Variants in ASIC4 observed in about 807,000 individuals in gnomAD.
ASIC4 encodes acid-sensing ion channel 4.
A neutral mutation model predicts 53.4 loss-of-function variants in ASIC4; 28 were observed. The observed-to-expected ratio is 0.52, with a 90% confidence interval of 0.39 to 0.72. The LOEUF (loss-of-function observed/expected upper bound fraction) is 0.72. ASIC4 is among the 30% of genes least tolerant of loss of function. The pLI is 0.00. For missense variants in ASIC4, 649 were observed against 729.7 expected (o/e 0.89, Z 1.27); for synonymous variants, 289 against 301.4 (o/e 0.96, Z 0.43).
In ASIC4 at chr2:219,517,445, C is replaced by A. The variant is rs1021838113; in HGVS notation, c.582+2139C>A. Among the ~76,000 whole-genome samples, 3 of 152,068 alleles carry A rather than the reference C, an allele frequency of 2.0e-5. No homozygotes were observed. In the East Asian group the frequency reaches 5.8e-4, roughly 29 times the overall value. ...AGCTAGCATTGGGGGACAGGAATTC[C>A]CCTTTGGGATTTCCATTTCCCCTGT... On this transcript the variant is annotated intron_variant, in intron 1 of 9. Transcript: ENST00000358078. This position sits in a 1 kb window ranked among gnomAD's most constrained non-coding sequence, Gnocchi z 4.2.
chr2:219,525,531 C>T (rs796560027), intron 1 of ASIC4, among the ~76,000 whole-genome samples: 4 of 152,350 alleles, frequency 2.6e-5, no homozygotes, highest in African/African-American at 9.6e-5. Context: ...GGATCTGAAC[C>T]TTGCCGTCTC....
chr2:219,524,371 T>C (rs1472392059), intron 1 of ASIC4, among the ~76,000 whole-genome samples: 1 of 152,228 alleles, frequency 6.6e-6, no homozygotes, highest in Non-Finnish European at 1.5e-5. Context: ...ATGGGTGGAC[T>C]CCAGGGCCAG....
Position 219,518,198 on chromosome 2 carries a change from C to G in ASIC4, c.582+2892C>G, listed in dbSNP as rs553807444. ...AAGCCCTGTCCCCAGTCCCTGTCCT[C>G]AAGCAGCCTATAGTCTCGTAGAGTG... is the stretch of plus-strand genomic sequence containing the variant. On this transcript the variant is annotated intron_variant, in intron 1 of 9. Transcript: ENST00000358078. The surrounding 1 kb of genome is among the most constrained non-coding windows in gnomAD (Gnocchi z 4.8). Among the ~76,000 whole-genome samples, 27 of 152,310 alleles carry G rather than the reference C, an allele frequency of 1.8e-4. No homozygotes were observed. In the East Asian group the frequency reaches 4.4e-3, roughly 25 times the overall value.
chr2:219,514,127 C>T (rs940949411), upstream of ASIC4: 17 of 589,942 alleles, frequency 2.9e-5, no homozygotes, highest in Non-Finnish European at 4.1e-5. Flanking sequence ...ACCCTGGGCA[C>T]GGCACCCTTC....
intron 6 of ASIC4, 72 bp downstream of exon 6, chr2:219,535,396 ACT>A (rs1224095228): frequency 2.6e-5 from 38 of 1,436,066 alleles, no homozygotes; most frequent in East Asian, 1.3e-4. Flanking sequence ...TGGCTGTGTG[ACT>A]CTGTGTGTAC....
At chr2:219,529,704 C>T (rs1695010519) in intron 1 of ASIC4, among the ~76,000 whole-genome samples, 1 of 152,170 alleles carries the variant, frequency 6.6e-6, no homozygotes, top group Admixed American at 6.5e-5. Context: ...GTGATGTCCT[C>T]ATCTGAAGTA....
In ASIC4 at chr2:219,517,235, G is replaced by A. The variant is rs917581607; in HGVS notation, c.582+1929G>A. ...TCCAGGCTAGGAGGCGGTGCCTGGA[G>A]GATACAGGAACGGGGATCCTCTGAT... On this transcript the variant is annotated intron_variant, in intron 1 of 9. Coordinates refer to ENST00000358078, the MANE Select transcript of ASIC4 (RefSeq NM_018674.6). This position sits in a 1 kb window ranked among gnomAD's most constrained non-coding sequence, Gnocchi z 4.2. 6.6e-6 allele frequency: 1 copy of A among 152,306 alleles called. No homozygotes were observed. Among genetic ancestry groups the A allele is most frequent in the African/African-American group, 2.4e-5 (1 of 41,440 alleles). 9.4% of individuals were successfully genotyped at this position (152,306 alleles called of 1,614,324 possible).
chr2:219,518,904 T>G lies in ASIC4; in HGVS notation c.582+3598T>G, dbSNP rs1206340333. ...TCTGTGAGCATCGGTTTGTGTATTCTTTTTTTTGTTTGTTTTTTTGAGACA... is the reference window on the plus strand; with the variant it reads ...TCTGTGAGCATCGGTTTGTGTATTCGTTTTTTTGTTTGTTTTTTTGAGACA... On this transcript the variant is annotated intron_variant, in intron 1 of 9. Coordinates refer to ENST00000358078, the MANE Select transcript of ASIC4 (RefSeq NM_018674.6). The surrounding 1 kb of genome is among the most constrained non-coding windows in gnomAD (Gnocchi z 4.8). 2.6e-5 allele frequency among the ~76,000 whole-genome samples: 4 copies of G among 151,604 alleles called. No homozygotes were observed. Among genetic ancestry groups the G allele is most frequent in the African/African-American group, 9.8e-5 (4 of 40,974 alleles).
intron 5 of ASIC4, among the ~76,000 whole-genome samples, chr2:219,534,858 C>T (rs1038917042): frequency 2.6e-5 from 4 of 152,186 alleles, no homozygotes; most frequent in African/African-American, 9.7e-5. Flanking sequence ...GTGTCTGAGG[C>T]CTCACATAGT....
chr2:219,535,399 CTGTG>C lies in ASIC4; in HGVS notation c.1229+79_1229+82del, dbSNP rs1574495664. On this transcript the variant is annotated intron_variant, in intron 6 of 9. Coordinates refer to ENST00000358078, the MANE Select transcript of ASIC4 (RefSeq NM_018674.6). Reference sequence around the variant, plus strand: ...GTGTGTGGGGGGTGGCTGTGTGACTCTGTGTGTACGTGTGTGTGAGTGTATGTGT... The same window carrying C: ...GTGTGTGGGGGGTGGCTGTGTGACTCTGTACGTGTGTGTGAGTGTATGTGT... 5.5e-6 allele frequency: 8 copies of C among 1,449,248 alleles called. No homozygotes were observed. The East Asian group carries it at 1.5e-4, about 27-fold the overall frequency. 89.8% of individuals were successfully genotyped at this position (1,449,248 alleles called of 1,614,324 possible). A position where few individuals can be genotyped will look rare whatever the true frequency, so the allele number is the denominator to read the frequency against.
intron 1 of ASIC4, among the ~76,000 whole-genome samples, chr2:219,525,102 T>C (rs977780870): frequency 6.6e-6 from 1 of 152,226 alleles, no homozygotes; most frequent in East Asian, 1.9e-4. Context: ...ATTTGAACCC[T>C]GTTCTGTCAG....
chr2:219,530,313 G>A (rs1004431754), intron 1 of ASIC4, among the ~76,000 whole-genome samples: 6 of 152,262 alleles, frequency 3.9e-5, no homozygotes, highest in African/African-American at 1.4e-4. Flanking sequence ...AATCCCCAGC[G>A]GGAGCCTGGG....
At chr2:219,511,936 G>C (rs149477210), upstream of ASIC4, among the ~76,000 whole-genome samples, 1 of 152,090 alleles carries the variant, frequency 6.6e-6, no homozygotes, top group African/African-American at 2.4e-5. This position sits in a 1 kb window ranked among gnomAD's most constrained non-coding sequence, Gnocchi z 5.3. Context: ...AGAGGCAAAG[G>C]GGGTATAGAG....
At chr2:219,531,176 C>T (rs1695035197) in intron 1 of ASIC4, among the ~76,000 whole-genome samples, 1 of 149,904 alleles carries the variant, frequency 6.7e-6, no homozygotes, top group African/African-American at 2.5e-5. Flanking sequence ...TAGAAAGACC[C>T]TGTCTCTACA....
Position 219,537,610 on chromosome 2 carries a change from G to C in ASIC4, c.1402-22G>C. 6.2e-7 allele frequency: 1 copy of C among 1,600,342 alleles called. No individual in the cohort carries two copies. Among genetic ancestry groups the C allele is most frequent in the Non-Finnish European group, 8.5e-7 (1 of 1,172,816 alleles). On this transcript the variant is annotated intron_variant, in intron 8 of 9. Transcript: ENST00000358078. This position sits in a 1 kb window ranked among gnomAD's most constrained non-coding sequence, Gnocchi z 4.9. ...AACCAAATTTCCTGAGCCCACTGCT[G>C]TCCCCGACCCTGAACCCCAAGGTGT...
intron 1 of ASIC4, among the ~76,000 whole-genome samples, chr2:219,527,238 G>T (rs963359559): frequency 6.6e-6 from 1 of 152,210 alleles, no homozygotes; most frequent in Non-Finnish European, 1.5e-5. Context: ...CCTGGGCAAC[G>T]CTGTGCTCTG....
chr2:219,536,920 C>T lies in ASIC4; in HGVS notation c.1230-146C>T. ...GCTAACACACATCCGGGACTGCCTCCCCTCACAGCCTTGGGGAGTCCGGGG... is the reference window on the plus strand; with the variant it reads ...GCTAACACACATCCGGGACTGCCTCTCCTCACAGCCTTGGGGAGTCCGGGG... On this transcript the variant is annotated intron_variant, in intron 6 of 9. Coordinates refer to ENST00000358078, the MANE Select transcript of ASIC4 (RefSeq NM_018674.6). This position sits in a 1 kb window ranked among gnomAD's most constrained non-coding sequence, Gnocchi z 4.6. 1 of 663,356 alleles carries T rather than the reference C, an allele frequency of 1.5e-6. No homozygotes were observed. The highest frequency in any genetic ancestry group is 1.9e-5 in the South Asian group (1 of 53,632). The allele number at this position is 663,356 out of a possible 1,614,324, so 41.1% of individuals were successfully genotyped here.
chr2:219,512,456 A>G (rs73087247), upstream of ASIC4, among the ~76,000 whole-genome samples: 204 of 152,190 alleles, frequency 1.3e-3, no homozygotes, highest in African/African-American at 4.8e-3. Flanking sequence ...TTAAAAAGCA[A>G]TTAAATCACC....
intron 1 of ASIC4, among the ~76,000 whole-genome samples, chr2:219,528,373 G>A (rs1226851065): frequency 6.7e-6 from 1 of 150,258 alleles, no homozygotes; most frequent in Admixed American, 6.6e-5. Context: ...ACAGGAGCCC[G>A]CCACCACACC....
Sources: gnomAD v4.1 joint callset for allele counts (sites outside exome capture counted in the v4.1 genomes callset) on GRCh38, gnomAD v4.1.1 for gene constraint, Gnocchi (gnomAD v3.1) non-coding constraint, MANE v1.5 for transcripts, NCBI Gene and HGNC (gene_info 2026-07-23, HGNC 2026-07-21) for gene names.